C9orf72: variants seen among roughly 807,000 people sequenced by gnomAD.
C9orf72 encodes the protein C9orf72-SMCR8 complex subunit, also known as guanine nucleotide exchange factor C9orf72.
C9orf72 carries 44 observed loss-of-function variants against 51.6 expected under a neutral mutation model. The observed-to-expected ratio is 0.85, with a 90% CI of 0.67 to 1.10. The LOEUF (loss-of-function observed/expected upper bound fraction) is 1.10. C9orf72 is among the 50% of genes least tolerant of loss of function. The pLI, the probability that C9orf72 is intolerant of heterozygous loss-of-function variation, is 0.00. For synonymous variants in C9orf72, 213 were observed against 194.2 expected (o/e 1.10, Z -0.81); for missense variants, 607 against 570.6 (o/e 1.06, Z -0.65).
At chr9:27,571,154 CAGAG>C (rs1026369779) in intron 1 of C9orf72, 1 of 152,158 alleles carries the variant, frequency 6.6e-6, no homozygotes, top group Non-Finnish European at 1.5e-5. Flanking sequence ...CTGTCTACTC[CAGAG>C]AGTTACCAAA....
intron 9 of C9orf72, 130 bp from the exon 10 acceptor site, chr9:27,548,796 G>A (rs960857861): frequency 3.4e-6 from 2 of 584,220 alleles, no homozygotes; most frequent in Admixed American, 2.8e-5. Flanking sequence ...TTCCACTGAT[G>A]CCCCCTAACA....
At chr9:27,570,617 G>C (rs991464864) in intron 1 of C9orf72, among the ~76,000 whole-genome samples, 1 of 152,022 alleles carries the variant, frequency 6.6e-6, no homozygotes, top group Non-Finnish European at 1.5e-5. Context: ...TGTTATCCCA[G>C]CTCTTTGGTA....
chr9:27,551,208 G>C (rs1335520156), intron 8 of C9orf72, among the ~76,000 whole-genome samples: 1 of 152,152 alleles, frequency 6.6e-6, no homozygotes, highest in African/African-American at 2.4e-5. Context: ...ATTATCCACT[G>C]GGTTTGCCTC....
chr9:27,568,477 C>T (rs1324962443), intron 1 of C9orf72, among the ~76,000 whole-genome samples: 1 of 152,200 alleles, frequency 6.6e-6, no homozygotes, highest in African/African-American at 2.4e-5. Flanking sequence ...GGTCCCCTTG[C>T]TCAACTTGTA....
rs1303696063 is a variant in C9orf72 at position 27,560,289 on chromosome 9, A to G, written c.676T>C (p.Ser226Pro). Residue 226 changes from serine (S) to proline (P), a missense_variant, in exon 6 of 11, where the codon TCA (serine) becomes CCA (proline). Transcript: ENST00000380003. Reference sequence around the variant, plus strand: ...GAACAGCCACAGGTTTGCAAGTGTGAGCTGATGGCACTGTAAGTTAAAGAA... The same window carrying G: ...GAACAGCCACAGGTTTGCAAGTGTGGGCTGATGGCACTGTAAGTTAAAGAA... ...HEGFLLNAIS[S>P]HLQTCGCSVV... 1.2e-6 allele frequency: 2 copies of G among 1,609,532 alleles called. No homozygotes were observed. Among genetic ancestry groups the G allele is most frequent in the Non-Finnish European group, 1.7e-6 (2 of 1,177,502 alleles).
intron 3 of C9orf72, 40 bp downstream of exon 3, chr9:27,565,491 C>T (rs373002798): frequency 8.5e-5 from 112 of 1,324,028 alleles, no homozygotes; most frequent in Non-Finnish European, 1.2e-4. Flanking sequence ...CAGATACATG[C>T]TGTGAGAAAA....
intron 8 of C9orf72, among the ~76,000 whole-genome samples, chr9:27,553,965 A>G (rs1334491544): frequency 6.6e-6 from 1 of 152,178 alleles, no homozygotes; most frequent in Admixed American, 6.5e-5. Context: ...CTAATAGAGA[A>G]TTGCAAATCA....
chr9:27,571,835 C>G (rs948877945), intron 1 of C9orf72, among the ~76,000 whole-genome samples: 1 of 152,212 alleles, frequency 6.6e-6, no homozygotes, highest in African/African-American at 2.4e-5. Flanking sequence ...CTTTCCACAA[C>G]AGGAGCTGCC....
At position 27,566,074 on chromosome 9, in the gene C9orf72, A is replaced by G. The variant is rs115024755; in HGVS notation, c.445-484T>C. The stretch of plus-strand genomic sequence containing the variant: ...TTAATGGACTTTCAGGTTAGTATCA[A>G]ACTGGAACACAGGAAGGAGAATTCA... On this transcript the variant is annotated intron_variant, in intron 2 of 10. Coordinates refer to ENST00000380003, the MANE Select transcript of C9orf72 (RefSeq NM_018325.5). Among the ~76,000 whole-genome samples the G allele has an allele frequency of 3.9e-3, 588 of 152,308 alleles. 5 individuals are homozygous for G. Among genetic ancestry groups the G allele is most frequent in the African/African-American group, 0.013 (533 of 41,586 alleles).
rs1440631206 is a variant in C9orf72, at chr9:27,546,654, A to G, written c.*1582T>C. ...TTTCACTGTACAACTTACATTCTGT[A>G]TAACAGTACAATAAACCAGCCAAAG... On this transcript the variant is annotated 3_prime_UTR_variant, in exon 11 of 11. Coordinates refer to ENST00000380003, the MANE Select transcript of C9orf72 (RefSeq NM_018325.5). The G allele has an allele frequency of 2.6e-5, 4 of 152,220 alleles. No homozygotes were observed. The highest frequency in any genetic ancestry group is 7.2e-5 in the African/African-American group (3 of 41,464). The allele number at this position is 152,220 out of a possible 1,614,324, so 9.4% of individuals were successfully genotyped here.
intron 1 of C9orf72, among the ~76,000 whole-genome samples, chr9:27,571,738 C>T (rs1021561636): frequency 4.6e-5 from 7 of 152,184 alleles, no homozygotes; most frequent in Non-Finnish European, 1.0e-4. Context: ...AGGTGTAAGC[C>T]ACCTTCTCCA....
chr9:27,558,557 G>T lies in C9orf72; in HGVS notation c.789C>A (p.Ser263=). 1 of 1,608,728 alleles carries T rather than the reference G, an allele frequency of 6.2e-7. No individual in the cohort carries two copies. The change falls in exon 7 of 11, where the codon TCC becomes TCA. Residue 263 remains serine (S), a synonymous_variant. Transcript: ENST00000380003. ...LFLTPAERKC[S]RLCEAESSFK... ...ATGATGATTCTGCTTCACATAACCT[G>T]GAGCATTTTCTCTCTGCTGGAGTCA...
chr9:27,566,208 T>C (rs1192998945), intron 2 of C9orf72, among the ~76,000 whole-genome samples: 1 of 152,174 alleles, frequency 6.6e-6, no homozygotes, highest in African/African-American at 2.4e-5. Context: ...AGGAATTCTC[T>C]TGGGAACCAT....
At chr9:27,571,092 A>G (rs1241992680) in intron 1 of C9orf72, 1 of 152,194 alleles carries the variant, frequency 6.6e-6, no homozygotes, top group African/African-American at 2.4e-5. Flanking sequence ...GCTGAAAAAA[A>G]TCAGCTCAAA....
intron 6 of C9orf72, chr9:27,559,666 A>G (rs1040440542): frequency 2.6e-5 from 4 of 152,174 alleles, no homozygotes; most frequent in Admixed American, 2.0e-4. Flanking sequence ...AGAAAAGTGC[A>G]AAATCCTTTA....
intron 3 of C9orf72, 37 bp from the exon 4 acceptor site, chr9:27,562,513 G>GT: frequency 9.6e-7 from 1 of 1,042,320 alleles, no homozygotes; most frequent in African/African-American, 1.7e-5. Flanking sequence ...AGAAAATCAC[G>GT]TAATATGAGA....
rs572352823 is a variant in C9orf72, at chr9:27,551,164, A to C, written c.1092-457T>G. Among the ~76,000 whole-genome samples the C allele has an allele frequency of 2.0e-5, 3 of 152,358 alleles. No individual in the cohort carries two copies. The South Asian group carries it at 6.2e-4, about 32-fold the overall frequency. On this transcript the variant is annotated intron_variant, in intron 8 of 10. Coordinates refer to ENST00000380003, the MANE Select transcript of C9orf72 (RefSeq NM_018325.5). ...AAAACAAACCAAAAAATGTGAAGAA[A>C]AATTTGAGTGAGATTAGAGAACACA...
At position 27,548,352 on chromosome 9, in the gene C9orf72, C is replaced by A; in HGVS notation, c.1330G>T (p.Asp444Tyr). 1 of 1,603,758 alleles carries A rather than the reference C, an allele frequency of 6.2e-7. No homozygotes were observed. Among genetic ancestry groups the A allele is most frequent in the Non-Finnish European group, 8.5e-7 (1 of 1,175,770 alleles). The change falls in exon 11 of 11, where the codon GAT becomes TAT. Residue 444 changes from aspartate (D) to tyrosine (Y), a missense_variant. Asp to Tyr is a radical substitution (Grantham distance 160). Transcript: ENST00000380003. ...GCCAGAGCCATTATTATGTTAAGAT[C>A]GCCCTCTGCTGTTAAATCAAGGTCT... ...KIDLDLTAEG[D>Y]LNIIMALAEK...
chr9:27,565,572 G>A lies in C9orf72; in HGVS notation c.463C>T (p.Gln155Ter), dbSNP rs1451144396. ...TCTGTGCCTTCTAAGATAATCTTCT[G>A]GACATTTTCTTGTCTTTCCTGAGCA... is the stretch of plus-strand genomic sequence containing the variant. ...WMHKERQENV[Q>*]KIILEGTERM... The change falls in exon 3 of 11, where the codon CAG (glutamine) becomes TAG (stop). Residue 155 changes from glutamine (Q) to a stop codon, truncating the protein, a stop_gained. Transcript: ENST00000380003. LOFTEE classifies it high-confidence loss of function. 6.2e-7 allele frequency: 1 copy of A among 1,604,570 alleles called. No homozygotes were observed. The highest frequency in any genetic ancestry group is 1.7e-5 in the Admixed American group (1 of 59,656).
Sources: gnomAD v4.1 joint callset for allele counts (sites outside exome capture counted in the v4.1 genomes callset) on GRCh38, gnomAD v4.1.1 for gene constraint, MANE v1.5 for transcripts, NCBI Gene and HGNC (gene_info 2026-07-23, HGNC 2026-07-21) for gene names.